CCSER1: variants seen among roughly 807,000 people sequenced by gnomAD.
The protein encoded by CCSER1 is coiled-coil serine rich protein 1, also known as serine-rich coiled-coil domain-containing protein 1.
In CCSER1, 41 loss-of-function variants were observed where a neutral mutation model predicts 82.0. The observed-to-expected ratio is 0.50, with a 90% CI of 0.39 to 0.65. CCSER1 has a LOEUF of 0.65. Among genes scored for constraint, CCSER1 ranks in the 30% least tolerant of loss-of-function variants. The pLI is 0.00. For synonymous variants in CCSER1, 414 were observed against 383.9 expected, an observed-to-expected ratio of 1.08 and a Z score of -0.92; for missense variants, 1,119 against 1,064.2, an observed-to-expected ratio of 1.05 and a Z score of -0.72.
intron 7 of CCSER1, among the ~76,000 whole-genome samples, chr4:90,738,429 A>G (rs1378232320): frequency 6.6e-6 from 1 of 152,062 alleles, no homozygotes; most frequent in East Asian, 1.9e-4. Context: ...GCTTTACCAT[A>G]CAGAGATTCT....
chr4:91,469,651 G>C (rs143815934), intron 10 of CCSER1, among the ~76,000 whole-genome samples: 1 of 152,268 alleles, frequency 6.6e-6, no homozygotes, highest in Non-Finnish European at 1.5e-5. Flanking sequence ...TCAATGCTCT[G>C]TGTACAAATG....
intron 5 of CCSER1, among the ~76,000 whole-genome samples, chr4:90,554,861 A>G (rs552339072): frequency 1.3e-5 from 2 of 152,182 alleles, no homozygotes; most frequent in Non-Finnish European, 2.9e-5. Context: ...AGCACCCAGG[A>G]GAGTAAGGAG....
intron 10 of CCSER1, among the ~76,000 whole-genome samples, chr4:91,106,956 A>T (rs551544544): frequency 5.3e-5 from 8 of 152,328 alleles, no homozygotes; most frequent in Admixed American, 1.3e-4. Flanking sequence ...GATAGACTGC[A>T]TAGATGACAG....
intron 5 of CCSER1, among the ~76,000 whole-genome samples, chr4:90,535,020 C>T (rs1775136183): frequency 6.6e-6 from 1 of 152,082 alleles, no homozygotes; most frequent in African/African-American, 2.4e-5. Context: ...TATTGAGGAA[C>T]ATTGTTCTAA....
chr4:90,753,482 T>A (rs1749034645), intron 7 of CCSER1, among the ~76,000 whole-genome samples: 1 of 152,048 alleles, frequency 6.6e-6, no homozygotes, highest in South Asian at 2.1e-4. Flanking sequence ...CATACTTGAT[T>A]TTTCATACTC....
At chr4:91,059,496 C>T (rs1369531052) in intron 9 of CCSER1, among the ~76,000 whole-genome samples, 1 of 149,462 alleles carries the variant, frequency 6.7e-6, no homozygotes, top group Admixed American at 6.7e-5. Context: ...ATACCAGTCC[C>T]GATTTTGAAT....
At chr4:91,483,623 A>G (rs181474567) in intron 10 of CCSER1, among the ~76,000 whole-genome samples, 1 of 152,030 alleles carries the variant, frequency 6.6e-6, no homozygotes, top group Non-Finnish European at 1.5e-5. Context: ...TTTAATAGAG[A>G]CGGGATTTCA....
intron 9 of CCSER1, among the ~76,000 whole-genome samples, chr4:91,060,757 G>A (rs879898288): frequency 1.3e-5 from 2 of 151,954 alleles, no homozygotes; most frequent in African/African-American, 4.8e-5. Context: ...ATTTTAAGTG[G>A]GGTTGATAAT....
chr4:90,491,427 G>A (rs1187395628), intron 5 of CCSER1, among the ~76,000 whole-genome samples: 1 of 152,150 alleles, frequency 6.6e-6, no homozygotes, highest in Non-Finnish European at 1.5e-5. Context: ...CTGAGACGAT[G>A]GGGTTTTCTA....
At chr4:91,459,682 A>T (rs1450566435) in intron 10 of CCSER1, among the ~76,000 whole-genome samples, 1 of 152,090 alleles carries the variant, frequency 6.6e-6, no homozygotes, top group African/African-American at 2.4e-5. Context: ...TGTCTTTAAG[A>T]CCAGTGTACA....
intron 10 of CCSER1, among the ~76,000 whole-genome samples, chr4:91,350,405 A>T (rs1268507885): frequency 6.6e-6 from 1 of 152,138 alleles, no homozygotes; most frequent in African/African-American, 2.4e-5. Flanking sequence ...AAATTATTTT[A>T]TTGTTATTAA....
chr4:91,479,818 T>G (rs1242594138), intron 10 of CCSER1, among the ~76,000 whole-genome samples: 3 of 146,750 alleles, frequency 2.0e-5, no homozygotes, highest in African/African-American at 5.0e-5. Context: ...TGTATACATG[T>G]GCCATGCTGG....
At chr4:90,382,828 A>G (rs1749412633) in intron 3 of CCSER1, among the ~76,000 whole-genome samples, 1 of 152,124 alleles carries the variant, frequency 6.6e-6, no homozygotes, top group South Asian at 2.1e-4. Flanking sequence ...TTTGTCATTA[A>G]CTAAAAAATG....
chr4:91,089,057 T>C (rs909086644), intron 10 of CCSER1, among the ~76,000 whole-genome samples: 1 of 152,190 alleles, frequency 6.6e-6, no homozygotes, highest in African/African-American at 2.4e-5. Context: ...AGGAAGTAGC[T>C]TTTAATCAGC....
intron 10 of CCSER1, among the ~76,000 whole-genome samples, chr4:91,266,998 A>G (rs770115782): frequency 3.9e-5 from 6 of 152,206 alleles, no homozygotes; most frequent in Non-Finnish European, 7.3e-5. Context: ...TTACTCAAAT[A>G]TAGTTGAGAT....
chr4:91,403,537 T>C (rs1752481904), intron 10 of CCSER1, among the ~76,000 whole-genome samples: 1 of 152,172 alleles, frequency 6.6e-6, no homozygotes, highest in Non-Finnish European at 1.5e-5. Context: ...GGGTTTGTCA[T>C]AAATAGCTCT....
chr4:91,487,825 AAC>A (rs1758302661), intron 10 of CCSER1, among the ~76,000 whole-genome samples: 1 of 152,000 alleles, frequency 6.6e-6, no homozygotes, highest in Admixed American at 6.6e-5. Context: ...TCATAATTAG[AAC>A]AACATGACTA....
At chr4:91,256,560 G>T (rs1423297197) in intron 10 of CCSER1, among the ~76,000 whole-genome samples, 1 of 152,052 alleles carries the variant, frequency 6.6e-6, no homozygotes, top group Non-Finnish European at 1.5e-5. Context: ...GTCTCCCAAG[G>T]CTTTAAAATT....
intron 1 of CCSER1, among the ~76,000 whole-genome samples, chr4:90,137,416 G>C (rs767634322): frequency 2.0e-5 from 3 of 152,096 alleles, no homozygotes; most frequent in Non-Finnish European, 2.9e-5. Context: ...TTGATTATCG[G>C]GACAATATAG....
Sources: allele counts gnomAD v4.1 joint callset (sites outside exome capture counted in the v4.1 genomes callset), GRCh38; gene constraint gnomAD v4.1.1; transcripts MANE v1.5; gene names NCBI Gene and HGNC (gene_info 2026-07-23, HGNC 2026-07-21).